LRRC28: variants seen among roughly 807,000 people sequenced by gnomAD.
LRRC28 encodes leucine rich repeat containing 28.
In LRRC28, 39 loss-of-function variants were observed where a neutral mutation model predicts 45.7. The ratio of observed to expected loss-of-function variants is 0.85; its 90% CI spans 0.66 to 1.12. The LOEUF is 1.12. Among genes scored for constraint, LRRC28 ranks in the 50% most tolerant of loss-of-function variants. LRRC28 has a pLI of 0.00. For synonymous variants in LRRC28, 206 were observed against 178.8 expected, an observed-to-expected ratio of 1.15 and a Z score of -1.22; for missense variants, 435 against 438.5, an observed-to-expected ratio of 0.99 and a Z score of 0.07.
chr15:99,271,201 A>C (rs2081468322), intron 2 of LRRC28, among the ~76,000 whole-genome samples: 1 of 151,930 alleles, frequency 6.6e-6, no homozygotes, highest in African/African-American at 2.4e-5. Context: ...ATTTTCTCCC[A>C]TTCTGTAGGT....
At chr15:99,345,986 T>C (rs1956668057) in intron 6 of LRRC28, among the ~76,000 whole-genome samples, 1 of 151,980 alleles carries the variant, frequency 6.6e-6, no homozygotes, top group South Asian at 2.1e-4. Context: ...AACGCCTCTC[T>C]TTTTATTTTT....
chr15:99,363,373 A>T, intron 9 of LRRC28, 108 bp downstream of exon 9: 1 of 1,134,550 alleles, frequency 8.8e-7, no homozygotes, highest in African/African-American at 1.6e-5. Context: ...TTAAAGGGGC[A>T]TAACATGCTT....
intron 2 of LRRC28, among the ~76,000 whole-genome samples, chr15:99,275,038 C>A (rs1338363633): frequency 1.1e-4 from 16 of 152,170 alleles, no homozygotes. Context: ...TCAGTGTGCT[C>A]CTTCAGCCTT....
In LRRC28 at chr15:99,292,509, C is replaced by T. The variant is rs190841299; in HGVS notation, c.385+4558C>T. On this transcript the variant is annotated intron_variant, in intron 5 of 9. Transcript: ENST00000301981. The stretch of plus-strand genomic sequence containing the variant: ...CCTCCCGAGTAGCTGGGACTACAGG[C>T]GCCCGCCACCGCGCCCGGCTAATTT... Among the ~76,000 whole-genome samples, 1,186 of 151,622 alleles carry T rather than the reference C, an allele frequency of 7.8e-3. 11 individuals carry two copies. Among genetic ancestry groups the T allele is most frequent in the African/African-American group, 0.027 (1,110 of 41,212 alleles).
At chr15:99,324,623 A>G (rs546924518) in intron 5 of LRRC28, among the ~76,000 whole-genome samples, 2 of 152,366 alleles carry the variant, frequency 1.3e-5, no homozygotes, top group Admixed American at 6.5e-5. Flanking sequence ...AATTGACACC[A>G]TAATGTTATT....
rs188543744 is a variant in LRRC28 at position 99,320,264 on chromosome 15, G to A, written c.386-13659G>A. On this transcript the variant is annotated intron_variant, in intron 5 of 9. Coordinates refer to ENST00000301981, the MANE Select transcript of LRRC28 (RefSeq NM_144598.5). The stretch of plus-strand genomic sequence containing the variant: ...AATGCATAATTAATAGATTTTCTCC[G>A]TGTGCTTCCTGGTATTGTTCCTAAC... Among the ~76,000 whole-genome samples the A allele has an allele frequency of 3.6e-4, 55 of 151,796 alleles. No homozygotes were observed. The East Asian group carries it at 8.3e-3, about 23-fold the overall frequency.
intron 7 of LRRC28, 102 bp downstream of exon 7, chr15:99,352,573 C>T: frequency 1.2e-6 from 1 of 850,754 alleles, no homozygotes. Flanking sequence ...AACCAGGTAT[C>T]CTTAGAAACT....
chr15:99,369,074 C>T (rs537443240), intron 9 of LRRC28, among the ~76,000 whole-genome samples: 58 of 152,288 alleles, frequency 3.8e-4, no homozygotes, highest in African/African-American at 1.3e-3. Flanking sequence ...TTCCAGTTTC[C>T]AATAATACAT....
intron 2 of LRRC28, among the ~76,000 whole-genome samples, chr15:99,262,189 T>C (rs1206461832): frequency 6.6e-6 from 1 of 152,204 alleles, no homozygotes; most frequent in Non-Finnish European, 1.5e-5. Flanking sequence ...TCTAGGCCAA[T>C]AGATATATGT....
chr15:99,298,924 G>T (rs1231381538), intron 5 of LRRC28, among the ~76,000 whole-genome samples: 1 of 152,138 alleles, frequency 6.6e-6, no homozygotes, highest in Non-Finnish European at 1.5e-5. Flanking sequence ...AGCCAGGCTG[G>T]TCTCCAACTC....
intron 7 of LRRC28, among the ~76,000 whole-genome samples, chr15:99,360,536 A>G (rs1221158098): frequency 6.6e-6 from 1 of 152,208 alleles, no homozygotes; most frequent in African/African-American, 2.4e-5. Context: ...AAATGAATCA[A>G]GGGCTTCTGG....
At chr15:99,274,762 T>A (rs750818072) in intron 2 of LRRC28, among the ~76,000 whole-genome samples, 1 of 152,220 alleles carries the variant, frequency 6.6e-6, no homozygotes, top group Non-Finnish European at 1.5e-5. Context: ...GGAGTGCTGT[T>A]ATGTAGTTAT....
chr15:99,375,360 T>C (rs1441992408), intron 9 of LRRC28, among the ~76,000 whole-genome samples: 1 of 152,212 alleles, frequency 6.6e-6, no homozygotes, highest in African/African-American at 2.4e-5. Flanking sequence ...GTACATTTCT[T>C]TAATTTGTTA....
intron 2 of LRRC28, among the ~76,000 whole-genome samples, chr15:99,268,703 A>G (rs1464014718): frequency 6.6e-6 from 1 of 152,228 alleles, no homozygotes; most frequent in African/African-American, 2.4e-5. Context: ...ATAAACTTAC[A>G]GAATTGTTCA....
At chr15:99,265,483 A>G (rs2081307860) in intron 2 of LRRC28, among the ~76,000 whole-genome samples, 1 of 152,216 alleles carries the variant, frequency 6.6e-6, no homozygotes, top group South Asian at 2.1e-4. Context: ...GACTGTGGTC[A>G]TGGAGAAGTT....
intron 6 of LRRC28, among the ~76,000 whole-genome samples, chr15:99,340,667 G>A (rs1956476160): frequency 6.6e-6 from 1 of 152,206 alleles, no homozygotes; most frequent in Non-Finnish European, 1.5e-5. Context: ...GTAAATTTCA[G>A]TAAAGAACTT....
chr15:99,278,878 C>T (rs551621275), intron 3 of LRRC28, among the ~76,000 whole-genome samples: 3 of 152,314 alleles, frequency 2.0e-5, no homozygotes, highest in East Asian at 3.9e-4. Flanking sequence ...CCTCTATTCA[C>T]GTGGTTGTTG....
At chr15:99,366,447 T>A (rs1367206521) in intron 9 of LRRC28, among the ~76,000 whole-genome samples, 1 of 152,184 alleles carries the variant, frequency 6.6e-6, no homozygotes, top group East Asian at 1.9e-4. Flanking sequence ...TCTATATTAG[T>A]CAGCACAGGC....
intron 5 of LRRC28, among the ~76,000 whole-genome samples, chr15:99,311,028 G>T (rs928129115): frequency 6.6e-6 from 1 of 152,198 alleles, no homozygotes; most frequent in Non-Finnish European, 1.5e-5. Flanking sequence ...GTGGGTCATG[G>T]TGGGGAACCT....
Sources: gnomAD v4.1 joint callset for allele counts (sites outside exome capture counted in the v4.1 genomes callset) on GRCh38, gnomAD v4.1.1 for gene constraint, MANE v1.5 for transcripts, NCBI Gene and HGNC (gene_info 2026-07-23, HGNC 2026-07-21) for gene names.